Variants in APLNR observed in about 807,000 individuals in gnomAD.
APLNR encodes the protein apelin receptor.
In APLNR, 13 loss-of-function variants were observed where a neutral mutation model predicts 23.4. The observed-to-expected ratio is 0.56, with a 90% CI of 0.36 to 0.88. APLNR has a LOEUF of 0.88. Among genes scored for constraint, APLNR ranks in the 40% least tolerant of loss-of-function variants. The pLI is 0.01. For missense variants in APLNR, 480 were observed against 517.1 expected, an observed-to-expected ratio of 0.93 and a Z score of 0.70; for synonymous variants, 234 against 211.9, an observed-to-expected ratio of 1.10 and a Z score of -0.91.
chr11:57,236,870 G>A lies in APLNR; in HGVS notation c.135C>T (p.Gly45=), dbSNP rs948847. The A allele has an allele frequency of 6.2e-7, 1 of 1,613,782 alleles. No homozygotes were observed. Among genetic ancestry groups the A allele is most frequent in the African/African-American group, 1.3e-5 (1 of 74,860 alleles). ...YMLVFLLGTT[G]NGLVLWTVFR... Reference sequence around the variant, plus strand: ...ACACGGTCCAGAGCACCAGACCGTTGCCCGTGGTGCCCAGGAGGAAGACCA... The same window carrying A: ...ACACGGTCCAGAGCACCAGACCGTTACCCGTGGTGCCCAGGAGGAAGACCA... The change falls in exon 1 of 1, where the codon GGC becomes GGT. Residue 45 remains glycine, a synonymous_variant. Transcript: ENST00000606794.
In APLNR at chr11:57,236,643, G is replaced by A. The variant is rs772810549; in HGVS notation, c.362C>T (p.Thr121Ile). 4 of 1,608,468 alleles carry A rather than the reference G, an allele frequency of 2.5e-6. No homozygotes were observed. The highest frequency in any genetic ancestry group is 3.4e-6 in the Non-Finnish European group (4 of 1,178,742). The change falls in exon 1 of 1, where the codon ACC becomes ATC. Residue 121 changes from threonine to isoleucine, a missense_variant. By Grantham distance (89) the Thr-to-Ile change is moderately conservative. Coordinates refer to ENST00000606794, the MANE Select transcript of APLNR (RefSeq NM_005161.6). ...CAGGTAGCGGTCGAAGCTGAGGCCGGTGAGGCAGAAGACGCTGGCGTACAT... is the reference window on the plus strand; with the variant it reads ...CAGGTAGCGGTCGAAGCTGAGGCCGATGAGGCAGAAGACGCTGGCGTACAT... ...VNMYASVFCL[T>I]GLSFDRYLAI...
At position 57,236,127 on chromosome 11, in the gene APLNR, T is replaced by C; in HGVS notation, c.878A>G (p.Tyr293Cys). Reference sequence around the variant, plus strand: ...GTTGACGTAGCTGATGCAGGTGCAGTAGGGGAAGATGTTCATGAGGAAGAG... The same window carrying C: ...GTTGACGTAGCTGATGCAGGTGCAGCAGGGGAAGATGTTCATGAGGAAGAG... ...FDLFLMNIFP[Y>C]CTCISYVNSC... Residue 293 changes from tyrosine (Y) to cysteine (C), a missense_variant, in exon 1 of 1, where the codon TAC (tyrosine) becomes TGC (cysteine). Physicochemically the swap from Tyr to Cys is radical, Grantham distance 194. Coordinates refer to ENST00000606794, the MANE Select transcript of APLNR (RefSeq NM_005161.6). The C allele has an allele frequency of 2.5e-6, 4 of 1,613,958 alleles. No individual in the cohort carries two copies. Among genetic ancestry groups the C allele is most frequent in the Non-Finnish European group, 2.5e-6 (3 of 1,179,990 alleles).
Position 57,236,654 on chromosome 11 carries a change from G to C in APLNR, c.351C>G (p.Val117=). 1 of 1,608,368 alleles carries C rather than the reference G, an allele frequency of 6.2e-7. No homozygotes were observed. The stretch of plus-strand genomic sequence containing the variant: ...CGAAGCTGAGGCCGGTGAGGCAGAA[G>C]ACGCTGGCGTACATGTTGACGAAGA... ...YLIFVNMYAS[V]FCLTGLSFDR... is the part of the protein sequence containing the mutation. The change falls in exon 1 of 1, where the codon GTC becomes GTG. Residue 117 remains valine (V), a synonymous_variant. Coordinates refer to ENST00000606794, the MANE Select transcript of APLNR (RefSeq NM_005161.6).
rs376646370 is a variant in APLNR at position 57,236,383 on chromosome 11, C to A, written c.622G>T (p.Val208Leu). ...ATGGTGAAGGGCACCACAAAGCCCA[C>A]GGTGGTGGACGAGACCCCAAGGCCC... is the stretch of plus-strand genomic sequence containing the variant. ...EVGLGVSSTT[V>L]GFVVPFTIML... Residue 208 changes from valine to leucine, a missense_variant, in exon 1 of 1, where the codon GTG becomes TTG. Physicochemically the swap from Val to Leu is conservative, Grantham distance 32. Coordinates refer to ENST00000606794, the MANE Select transcript of APLNR (RefSeq NM_005161.6). The A allele has an allele frequency of 6.8e-6, 11 of 1,614,022 alleles. No homozygotes were observed. The South Asian group carries it at 1.2e-4, about 18-fold the overall frequency.
chr11:57,233,824 T>C lies in APLNR; in HGVS notation c.*2038A>G, dbSNP rs929295768. 1 of 152,168 alleles carries C rather than the reference T, an allele frequency of 6.6e-6. No homozygotes were observed. The highest frequency in any genetic ancestry group is 2.4e-5 in the African/African-American group (1 of 41,424). 9.4% of individuals were successfully genotyped at this position (152,168 alleles called of 1,614,324 possible). A position where few individuals can be genotyped will look rare whatever the true frequency, so the allele number is the denominator to read the frequency against. ...GAAGCCTCTTCCAGTGTTCACTGGA[T>C]GCTTTGAGGACAGCTCTGGGCAGAG... On this transcript the variant is annotated 3_prime_UTR_variant, in exon 1 of 1. Coordinates refer to ENST00000606794, the MANE Select transcript of APLNR (RefSeq NM_005161.6).
In APLNR at chr11:57,236,419, C is replaced by T; in HGVS notation, c.586G>A (p.Ala196Thr). Residue 196 changes from alanine (A) to threonine (T), a missense_variant, in exon 1 of 1, where the codon GCC (alanine) becomes ACC (threonine). Physicochemically the swap from Ala to Thr is moderately conservative, Grantham distance 58. Coordinates refer to ENST00000606794, the MANE Select transcript of APLNR (RefSeq NM_005161.6). ...GAGACCCCAAGGCCCACCTCCCAGG[C>T]CCACTCTGAGCTCACAGTGGCCACC... ...SMVATVSSEW[A>T]WEVGLGVSST... The T allele has an allele frequency of 6.2e-7, 1 of 1,614,190 alleles. No homozygotes were observed.
chr11:57,237,178 G>A lies in APLNR; in HGVS notation c.-174C>T, dbSNP rs116563402. On this transcript the variant is annotated 5_prime_UTR_variant, in exon 1 of 1. Coordinates refer to ENST00000606794, the MANE Select transcript of APLNR (RefSeq NM_005161.6). ...GGAGGAGCTGCCTCTGGGTTCTCCA[G>A]ACCCTGGAGGAAGCCTGTCTCCTGC... The A allele has an allele frequency of 4.4e-3, 2,792 of 640,140 alleles. 64 individuals carry two copies. The African/African-American group carries it at 0.045, about 10-fold the overall frequency. The allele number at this position is 640,140 out of a possible 1,614,324, so 39.7% of individuals were successfully genotyped here.
chr11:57,235,684 CT>C lies in APLNR; in HGVS notation c.*177del, dbSNP rs1427950898. On this transcript the variant is annotated 3_prime_UTR_variant, in exon 1 of 1. Coordinates refer to ENST00000606794, the MANE Select transcript of APLNR (RefSeq NM_005161.6). Reference sequence around the variant, plus strand: ...GTCTGTAGAGCCCAGTCTCTTTCCCCTAAACCACAAACCTCTGAGAAAGAAT... The same window carrying C: ...GTCTGTAGAGCCCAGTCTCTTTCCCCAAACCACAAACCTCTGAGAAAGAAT... 1.0e-5 allele frequency: 8 copies of C among 762,828 alleles called. No individual in the cohort carries two copies. The Admixed American group carries it at 1.5e-4, about 15-fold the overall frequency. 47.3% of individuals were successfully genotyped at this position (762,828 alleles called of 1,614,324 possible).
Position 57,237,061 on chromosome 11 carries a change from C to A in APLNR, c.-57G>T. On this transcript the variant is annotated 5_prime_UTR_variant, in exon 1 of 1. Transcript: ENST00000606794. ...TCCCAGGGACACCAGCTCCGTGGCT[C>A]TGTCACCCACTCTGCAAGCAGCCTG... 6.7e-7 allele frequency: 1 copy of A among 1,500,672 alleles called. No homozygotes were observed. The highest frequency in any genetic ancestry group is 2.3e-5 in the East Asian group (1 of 43,972). 93.0% of individuals were successfully genotyped at this position (1,500,672 alleles called of 1,614,324 possible). A position where few individuals can be genotyped will look rare whatever the true frequency, so the allele number is the denominator to read the frequency against.
chr11:57,235,842 G>GCTT lies in APLNR; in HGVS notation c.*17_*19dup, dbSNP rs755228199. ...GGCCGGGGAGGGCCGAGGGCGCCAG[G>GCTT]CTTCTCTCTGCTCCCAGCCCTAGTC... On this transcript the variant is annotated 3_prime_UTR_variant, in exon 1 of 1. Transcript: ENST00000606794. The GCTT allele has an allele frequency of 1.3e-6, 2 of 1,576,520 alleles. No individual in the cohort carries two copies. The highest frequency in any genetic ancestry group is 2.4e-5 in the South Asian group (2 of 83,728).
In APLNR at chr11:57,235,148, C is replaced by T. The variant is rs1854990703; in HGVS notation, c.*714G>A. ...GGGGGAACTGCAGGAATCACACTAG[C>T]CCCAATGCCCAAAATGACAGGGAAG... On this transcript the variant is annotated 3_prime_UTR_variant, in exon 1 of 1. Coordinates refer to ENST00000606794, the MANE Select transcript of APLNR (RefSeq NM_005161.6). The T allele has an allele frequency of 6.6e-6, 1 of 152,278 alleles. No individual in the cohort carries two copies. Among genetic ancestry groups the T allele is most frequent in the Non-Finnish European group, 1.5e-5 (1 of 68,112 alleles). The allele number at this position is 152,278 out of a possible 1,614,324, so 9.4% of individuals were successfully genotyped here.
In APLNR at chr11:57,236,379, C is replaced by A. The variant is rs1000614668; in HGVS notation, c.626G>T (p.Gly209Val). Residue 209 changes from glycine (G) to valine (V), a missense_variant, in exon 1 of 1, where the codon GGC becomes GTC. Coordinates refer to ENST00000606794, the MANE Select transcript of APLNR (RefSeq NM_005161.6). ...VGLGVSSTTV[G>V]FVVPFTIMLT... ...CATGATGGTGAAGGGCACCACAAAG[C>A]CCACGGTGGTGGACGAGACCCCAAG... 2 of 1,613,998 alleles carry A rather than the reference C, an allele frequency of 1.2e-6. No homozygotes were observed. The highest frequency in any genetic ancestry group is 3.3e-5 in the Admixed American group (2 of 60,018).
In APLNR at chr11:57,236,333, G is replaced by C. The variant is rs144399813; in HGVS notation, c.672C>G (p.Ile224Met). 3 of 1,614,166 alleles carry C rather than the reference G, an allele frequency of 1.9e-6. No individual in the cohort carries two copies. In the African/African-American group the frequency reaches 4.0e-5, roughly 22 times the overall value. Residue 224 changes from isoleucine (I) to methionine (M), a missense_variant, in exon 1 of 1, where the codon ATC becomes ATG. Physicochemically the swap from Ile to Met is conservative, Grantham distance 10. Transcript: ENST00000606794. ...FTIMLTCYFFIAQTIAGHFRK... is the reference protein window; with the variant it reads ...FTIMLTCYFFMAQTIAGHFRK... Reference sequence around the variant, plus strand: ...GGAAGTGGCCAGCGATGGTTTGGGCGATGAAGAAGTAACAGGTCAGCATGA... The same window carrying C: ...GGAAGTGGCCAGCGATGGTTTGGGCCATGAAGAAGTAACAGGTCAGCATGA...
At position 57,236,435 on chromosome 11, in the gene APLNR, A is replaced by G. The variant is rs1172811449; in HGVS notation, c.570T>C (p.Thr190=). Residue 190 remains threonine, a synonymous_variant, in exon 1 of 1, where the codon ACT becomes ACC. Transcript: ENST00000606794. ...CCTCCCAGGCCCACTCTGAGCTCAC[A>G]GTGGCCACCATGGAGTAGTCCATGT... The part of the protein sequence containing the change: ...QCYMDYSMVA[T]VSSEWAWEVG... 6.2e-7 allele frequency: 1 copy of G among 1,614,228 alleles called. No individual in the cohort carries two copies. The highest frequency in any genetic ancestry group is 8.5e-7 in the Non-Finnish European group (1 of 1,180,026).
At position 57,235,973 on chromosome 11, in the gene APLNR, G is replaced by A. The variant is rs763126625; in HGVS notation, c.1032C>T (p.Ala344=). The change falls in exon 1 of 1, where the codon GCC becomes GCT. Residue 344 remains alanine (A), a synonymous_variant. Coordinates refer to ENST00000606794, the MANE Select transcript of APLNR (RefSeq NM_005161.6). ...TSHSSSGEKS[A]SYSSGHSQGP... ...CCTGGCTGTGCCCCGAAGAGTAGCT[G>A]GCTGACTTCTCCCCACTGCTGCTGT... The A allele has an allele frequency of 1.9e-6, 3 of 1,614,152 alleles. No homozygotes were observed. Among genetic ancestry groups the A allele is most frequent in the Non-Finnish European group, 1.7e-6 (2 of 1,180,050 alleles).
Position 57,235,735 on chromosome 11 carries a change from G to A in APLNR, c.*127C>T, listed in dbSNP as rs1485675335. 7 of 1,116,370 alleles carry A rather than the reference G, an allele frequency of 6.3e-6. No individual in the cohort carries two copies. The highest frequency in any genetic ancestry group is 8.8e-6 in the Non-Finnish European group (7 of 793,720). The allele number at this position is 1,116,370 out of a possible 1,614,324, so 69.2% of individuals were successfully genotyped here. Reference sequence around the variant, plus strand: ...TAAAGCAGTAGAGGAGGACAGGGCGGGGCAGAATCAGGGGACAGTTAAAGG... The same window carrying A: ...TAAAGCAGTAGAGGAGGACAGGGCGAGGCAGAATCAGGGGACAGTTAAAGG... On this transcript the variant is annotated 3_prime_UTR_variant, in exon 1 of 1. Transcript: ENST00000606794.
In APLNR at chr11:57,234,041, A is replaced by G. The variant is rs1249933618; in HGVS notation, c.*1821T>C. On this transcript the variant is annotated 3_prime_UTR_variant, in exon 1 of 1. Transcript: ENST00000606794. ...TGTCCTTCACTTTCATAGTCCTCCA[A>G]GAACAAAACCCGGAATAGACACTCC... is the stretch of plus-strand genomic sequence containing the variant. 6.6e-6 allele frequency: 1 copy of G among 152,338 alleles called. No homozygotes were observed. The highest frequency in any genetic ancestry group is 1.9e-4 in the East Asian group (1 of 5,188). 9.4% of individuals were successfully genotyped at this position (152,338 alleles called of 1,614,324 possible).
rs1223341865 is a variant in APLNR, at chr11:57,236,779, G to C, written c.226C>G (p.Leu76Val). ...AGGGGCAGCGTCACCACGAAGGTCA[G>C]GTCAGCCACCGCCAGGCTAGCAATG... is the stretch of plus-strand genomic sequence containing the variant. ...IFIASLAVAD[L>V]TFVVTLPLWA... The change falls in exon 1 of 1, where the codon CTG (leucine) becomes GTG (valine). Residue 76 changes from leucine (L) to valine (V), a missense_variant. Leu to Val is a conservative substitution (Grantham distance 32, BLOSUM62 1). Coordinates refer to ENST00000606794, the MANE Select transcript of APLNR (RefSeq NM_005161.6). The C allele has an allele frequency of 1.4e-5, 22 of 1,614,212 alleles. No homozygotes were observed. Among genetic ancestry groups the C allele is most frequent in the Non-Finnish European group, 1.8e-5 (21 of 1,180,052 alleles).
At position 57,235,934 on chromosome 11, in the gene APLNR, G is replaced by A. The variant is rs780320730; in HGVS notation, c.1071C>T (p.Asn357=). 3 of 1,614,158 alleles carry A rather than the reference G, an allele frequency of 1.9e-6. No individual in the cohort carries two copies. Among genetic ancestry groups the A allele is most frequent in the African/African-American group, 1.3e-5 (1 of 74,958 alleles). The change falls in exon 1 of 1, where the codon AAC becomes AAT. Residue 357 remains asparagine (N), a synonymous_variant. Coordinates refer to ENST00000606794, the MANE Select transcript of APLNR (RefSeq NM_005161.6). The part of the protein sequence containing the change: ...SSGHSQGPGP[N]MGKGGEQMHE... The stretch of plus-strand genomic sequence containing the variant: ...GCATCTGTTCTCCACCCTTGCCCAT[G>A]TTGGGGCCGGGCCCCTGGCTGTGCC...
Sources: gnomAD v4.1 joint callset for allele counts on GRCh38, gnomAD v4.1.1 for gene constraint, MANE v1.5 for transcripts, NCBI Gene and HGNC (gene_info 2026-07-23, HGNC 2026-07-21) for gene names.